Variants in UGT1A9 observed in about 807,000 individuals in gnomAD.
The protein encoded by UGT1A9 is UDP glucuronosyltransferase family 1 member A9.
UGT1A9 carries 35 observed loss-of-function variants against 45.0 expected under a neutral mutation model. The observed-to-expected ratio is 0.78, with a 90% CI of 0.59 to 1.03. The LOEUF (loss-of-function observed/expected upper bound fraction) is 1.03. UGT1A9 is among the 50% of genes least tolerant of loss of function. The pLI is 0.00. For synonymous variants in UGT1A9, 278 were observed against 250.6 expected, an observed-to-expected ratio of 1.11 and a Z score of -1.03; for missense variants, 687 against 666.6, an observed-to-expected ratio of 1.03 and a Z score of -0.34.
chr2:233,709,581 A>G (rs981094993), intron 1 of UGT1A9, among the ~76,000 whole-genome samples: 1 of 152,230 alleles, frequency 6.6e-6, no homozygotes, highest in East Asian at 1.9e-4. Flanking sequence ...TTCAAAAAAT[A>G]TACCAGGATG....
chr2:233,765,010 C>G (rs940800648), intron 1 of UGT1A9, among the ~76,000 whole-genome samples: 10 of 152,056 alleles, frequency 6.6e-5, no homozygotes, highest in Non-Finnish European at 1.2e-4. Context: ...TGTTCCAAAT[C>G]AGGCTTGGCA....
chr2:233,672,173 C>T lies in UGT1A9; in HGVS notation c.239C>T (p.Ser80Leu). 1 of 1,614,176 alleles carries T rather than the reference C, an allele frequency of 6.2e-7. No individual in the cohort carries two copies. Among genetic ancestry groups the T allele is most frequent in the Non-Finnish European group, 8.5e-7 (1 of 1,180,030 alleles). ...LNCTVKTYST[S>L]YTLEDLDREF... ...TGCACAGTGAAGACTTATTCAACTT[C>T]ATATACCCTGGAGGATCTGGACCGG... The change falls in exon 1 of 5, where the codon TCA becomes TTA. Residue 80 changes from serine to leucine, a missense_variant. Physicochemically the swap from Ser to Leu is moderately radical, Grantham distance 145. Coordinates refer to ENST00000354728, the MANE Select transcript of UGT1A9 (RefSeq NM_021027.3).
intron 1 of UGT1A9, among the ~76,000 whole-genome samples, chr2:233,725,586 A>G (rs1194596370): frequency 6.6e-6 from 1 of 152,166 alleles, no homozygotes; most frequent in East Asian, 1.9e-4. Context: ...TTATGACTTA[A>G]CTATTTGACA....
chr2:233,701,994 C>G (rs1220437125), intron 1 of UGT1A9, among the ~76,000 whole-genome samples: 1 of 152,050 alleles, frequency 6.6e-6, no homozygotes, highest in East Asian at 1.9e-4. Context: ...TAACTAAGAT[C>G]AGAGCAGAAC....
At chr2:233,687,583 T>TAA (rs71398794) in intron 1 of UGT1A9, among the ~76,000 whole-genome samples, 17 of 107,406 alleles carry the variant, frequency 1.6e-4, no homozygotes, top group Admixed American at 4.2e-4. Flanking sequence ...ACATTCTTTG[T>TAA]AAAAAAAAAA....
rs28969711 is a variant in UGT1A9, at chr2:233,681,104, G to A, written c.855+8315G>A. 4.7e-3 allele frequency among the ~76,000 whole-genome samples: 711 copies of A among 151,776 alleles called. 7 individuals carry two copies. Among genetic ancestry groups the A allele is most frequent in the African/African-American group, 0.016 (678 of 41,438 alleles). On this transcript the variant is annotated intron_variant, in intron 1 of 4. Transcript: ENST00000354728. Reference sequence around the variant, plus strand: ...TCACCTGTGTCTCTGCAATGCGCAAGTGAGCTGTGTATTGCAGAGACACAG... The same window carrying A: ...TCACCTGTGTCTCTGCAATGCGCAAATGAGCTGTGTATTGCAGAGACACAG...
At chr2:233,688,000 T>G (rs2074873432) in intron 1 of UGT1A9, among the ~76,000 whole-genome samples, 1 of 152,242 alleles carries the variant, frequency 6.6e-6, no homozygotes, top group African/African-American at 2.4e-5. Flanking sequence ...TTCTGTGTGC[T>G]CCCAGATACA....
At chr2:233,709,530 T>C (rs777975789) in intron 1 of UGT1A9, among the ~76,000 whole-genome samples, 1 of 152,190 alleles carries the variant, frequency 6.6e-6, no homozygotes, top group Non-Finnish European at 1.5e-5. Flanking sequence ...TTCTTTTTCC[T>C]ACTGTGATAT....
At chr2:233,766,402 C>T (rs1334615620) in intron 1 of UGT1A9, among the ~76,000 whole-genome samples, 1 of 152,212 alleles carries the variant, frequency 6.6e-6, no homozygotes, top group African/African-American at 2.4e-5. Context: ...TTGCGTCCCT[C>T]CGCTGATGTG....
At chr2:233,684,171 C>T (rs1233354047) in intron 1 of UGT1A9, among the ~76,000 whole-genome samples, 2 of 152,130 alleles carry the variant, frequency 1.3e-5, no homozygotes, top group African/African-American at 4.8e-5. Flanking sequence ...CTCATATTGG[C>T]AGATGTTTGG....
At chr2:233,730,691 A>C (rs2078062860) in intron 1 of UGT1A9, among the ~76,000 whole-genome samples, 1 of 152,096 alleles carries the variant, frequency 6.6e-6, no homozygotes, top group Admixed American at 6.5e-5. Flanking sequence ...ATCTCAAATG[A>C]TTCTTCTACT....
In UGT1A9 at chr2:233,672,138, A is replaced by G; in HGVS notation, c.204A>G (p.Arg68=). 6.2e-7 allele frequency: 1 copy of G among 1,614,218 alleles called. No homozygotes were observed. The highest frequency in any genetic ancestry group is 1.1e-5 in the South Asian group (1 of 91,084). ...CAGAGGTGAGTTGGCAACTGGGAAG[A>G]TCACTGAATTGCACAGTGAAGACTT... The part of the protein sequence containing the change: ...VMPEVSWQLG[R]SLNCTVKTYS... The change falls in exon 1 of 5, where the codon AGA becomes AGG. Residue 68 remains arginine, a synonymous_variant. Transcript: ENST00000354728.
chr2:233,760,962 G>C, intron 1 of UGT1A9: 1 of 1,614,152 alleles, frequency 6.2e-7, no homozygotes, highest in Non-Finnish European at 8.5e-7. Flanking sequence ...TGTGCGACGT[G>C]GTTTATTCCC....
At chr2:233,732,709 C>G (rs540969589) in intron 1 of UGT1A9, among the ~76,000 whole-genome samples, 1 of 150,878 alleles carries the variant, frequency 6.6e-6, no homozygotes, top group African/African-American at 2.4e-5. Context: ...GTTACTGTAG[C>G]CTTGTAGTAC....
At chr2:233,726,524 T>C (rs1232953438) in intron 1 of UGT1A9, among the ~76,000 whole-genome samples, 1 of 152,258 alleles carries the variant, frequency 6.6e-6, no homozygotes, top group East Asian at 1.9e-4. Flanking sequence ...TTTTCCACTT[T>C]TAGGGAGATG....
rs192933567 is a variant in UGT1A9, at chr2:233,772,247, T to G, written c.1296-15T>G. On this transcript the variant is annotated splice_polypyrimidine_tract_variant and intron_variant, in intron 4 of 4. Transcript: ENST00000354728. ...ACAGGTGTTCCAGGCATAACGAAAC[T>G]GTCTTTGTGTTTAGTTACAAGGAGA... The G allele has an allele frequency of 2.9e-5, 47 of 1,614,208 alleles. No homozygotes were observed. The East Asian group carries it at 1.0e-3, about 35-fold the overall frequency.
intron 1 of UGT1A9, among the ~76,000 whole-genome samples, chr2:233,766,023 T>C (rs1365175031): frequency 6.6e-6 from 1 of 152,110 alleles, no homozygotes; most frequent in Non-Finnish European, 1.5e-5. Context: ...TTCTTTTAGT[T>C]TTGCCCTCTA....
chr2:233,692,675 G>C (rs932907325), intron 1 of UGT1A9, among the ~76,000 whole-genome samples: 1 of 152,174 alleles, frequency 6.6e-6, no homozygotes, highest in African/African-American at 2.4e-5. Context: ...TAGAGAATTG[G>C]CAGGGGGTCC....
At chr2:233,672,886 T>G in intron 1 of UGT1A9, 97 bp downstream of exon 1, 4 of 1,514,200 alleles carry the variant, frequency 2.6e-6, no homozygotes, top group Non-Finnish European at 3.5e-6. Flanking sequence ...TTCATTTGTT[T>G]CATTTCAAAT....
Sources: allele counts gnomAD v4.1 joint callset (sites outside exome capture counted in the v4.1 genomes callset), GRCh38; gene constraint gnomAD v4.1.1; transcripts MANE v1.5; gene names NCBI Gene and HGNC (gene_info 2026-07-23, HGNC 2026-07-21).